UNC5C: variants seen among roughly 807,000 people sequenced by gnomAD.
UNC5C encodes the protein netrin receptor UNC5C.
Under a neutral mutation model 99.8 loss-of-function variants are expected in UNC5C, and 47 were observed. That is an observed-to-expected ratio of 0.47 (90% CI 0.37 to 0.60). The LOEUF is 0.60. UNC5C is among the 20% of genes least tolerant of loss of function. The probability of loss-of-function intolerance (pLI) is 0.00; values close to 1 mark genes in which losing one functional copy is unlikely to be tolerated. For synonymous variants in UNC5C, 487 were observed against 452.2 expected, an observed-to-expected ratio of 1.08 and a Z score of -0.98; for missense variants, 1,062 against 1,165.9, an observed-to-expected ratio of 0.91 and a Z score of 1.30.
At chr4:95,475,000 A>C (rs141021448) in intron 1 of UNC5C, among the ~76,000 whole-genome samples, 1 of 152,074 alleles carries the variant, frequency 6.6e-6, no homozygotes, top group African/African-American at 2.4e-5. Flanking sequence ...AAGCACGTTT[A>C]TATTGATCTT....
intron 1 of UNC5C, among the ~76,000 whole-genome samples, chr4:95,385,288 T>TA (rs751831473): frequency 5.9e-5 from 9 of 152,190 alleles, no homozygotes; most frequent in Non-Finnish European, 1.0e-4. Context: ...TCGTAACCTA[T>TA]AAAAATGGTA....
At chr4:95,185,962 C>T (rs1191486008) in intron 12 of UNC5C, among the ~76,000 whole-genome samples, 1 of 116,988 alleles carries the variant, frequency 8.5e-6, no homozygotes, top group Non-Finnish European at 1.9e-5. Flanking sequence ...ACATAATTTT[C>T]TTATACTATA....
chr4:95,203,281 T>C (rs1247218610), intron 11 of UNC5C, among the ~76,000 whole-genome samples: 1 of 152,140 alleles, frequency 6.6e-6, no homozygotes, highest in Non-Finnish European at 1.5e-5. Context: ...TAATATGCAA[T>C]TCTACTATGT....
intron 1 of UNC5C, among the ~76,000 whole-genome samples, chr4:95,505,808 T>G (rs947891439): frequency 2.0e-5 from 3 of 152,010 alleles, no homozygotes; most frequent in African/African-American, 7.2e-5. Flanking sequence ...GCAAACACCA[T>G]AGTTTCTGAA....
intron 4 of UNC5C, among the ~76,000 whole-genome samples, chr4:95,253,989 G>T (rs533443922): frequency 6.6e-6 from 1 of 152,222 alleles, no homozygotes; most frequent in South Asian, 2.1e-4. Flanking sequence ...TCTTTCTGAT[G>T]CCATTGTTTC....
At position 95,170,262 on chromosome 4, in the gene UNC5C, G is replaced by GC. The variant is rs1736038195; in HGVS notation, c.2521dup (p.Ala841GlyfsTer14). 1 of 1,614,038 alleles carries GC rather than the reference G, an allele frequency of 6.2e-7. No homozygotes were observed. Among genetic ancestry groups the GC allele is most frequent in the Non-Finnish European group, 8.5e-7 (1 of 1,180,036 alleles). ...CCGGATAGGGAGAGGGATGCTGAAA[G>GC]CACTGGGCCCCGTGACCGTGGTGAT... On this transcript the variant is annotated frameshift_variant, in exon 15 of 16. Transcript: ENST00000453304. LOFTEE classifies it high-confidence loss of function.
intron 1 of UNC5C, among the ~76,000 whole-genome samples, chr4:95,475,672 A>T (rs2149475960): frequency 6.6e-6 from 1 of 152,198 alleles, no homozygotes; most frequent in East Asian, 1.9e-4. Context: ...AACTCACAAA[A>T]AAGGGTTTTA....
intron 1 of UNC5C, among the ~76,000 whole-genome samples, chr4:95,507,927 C>T (rs1721969397): frequency 6.6e-6 from 1 of 151,970 alleles, no homozygotes; most frequent in South Asian, 2.1e-4. Flanking sequence ...TGAATTAAGT[C>T]AAATGTTTAG....
intron 1 of UNC5C, among the ~76,000 whole-genome samples, chr4:95,469,375 C>A (rs1236043738): frequency 6.6e-6 from 1 of 152,118 alleles, no homozygotes; most frequent in East Asian, 1.9e-4. Flanking sequence ...GATCTTTCAC[C>A]TTCCTTTTGG....
At chr4:95,292,611 T>A (rs1373522399) in intron 3 of UNC5C, among the ~76,000 whole-genome samples, 1 of 152,052 alleles carries the variant, frequency 6.6e-6, no homozygotes, top group African/African-American at 2.4e-5. Context: ...AACTAATAAA[T>A]AAGTAAATGT....
chr4:95,481,199 T>C (rs1252120032), intron 1 of UNC5C, among the ~76,000 whole-genome samples: 2 of 151,892 alleles, frequency 1.3e-5, no homozygotes, highest in African/African-American at 4.8e-5. Context: ...ATCACAAGCA[T>C]TCTTATACAC....
chr4:95,206,633 A>T lies in UNC5C; in HGVS notation c.1897T>A (p.Trp633Arg), dbSNP rs755349239. The part of the protein sequence containing the change: ...LLKNQAAQGQ[W>R]EDVVVVGEEN... ...TTATCCCGACAGCAGCTCACCTCCC[A>T]CTGTCCCTGTGCTGCCTGGTTCTTG... is the stretch of plus-strand genomic sequence containing the variant. The change falls in exon 11 of 16, where the codon TGG (tryptophan) becomes AGG (arginine). Residue 633 changes from tryptophan to arginine, a missense_variant. By Grantham distance (101) the Trp-to-Arg change is moderately radical. This residue lies in a region of UNC5C where 810 missense variants were observed against 854.5 expected (regional missense o/e 0.95). Coordinates refer to ENST00000453304, the MANE Select transcript of UNC5C (RefSeq NM_003728.4). 1 of 1,614,082 alleles carries T rather than the reference A, an allele frequency of 6.2e-7. No homozygotes were observed. The highest frequency in any genetic ancestry group is 8.5e-7 in the Non-Finnish European group (1 of 1,179,992).
chr4:95,497,689 C>A (rs1305754140), intron 1 of UNC5C, among the ~76,000 whole-genome samples: 1 of 151,780 alleles, frequency 6.6e-6, no homozygotes, highest in Non-Finnish European at 1.5e-5. Flanking sequence ...ACTACTTGAC[C>A]ATTTGATCCA....
chr4:95,463,647 G>C (rs1474378751), intron 1 of UNC5C, among the ~76,000 whole-genome samples: 1 of 152,110 alleles, frequency 6.6e-6, no homozygotes, highest in African/African-American at 2.4e-5. Context: ...CAAAATAGTA[G>C]GGTATTTTAA....
intron 1 of UNC5C, among the ~76,000 whole-genome samples, chr4:95,399,677 T>A (rs991386119): frequency 2.0e-5 from 3 of 152,224 alleles, no homozygotes; most frequent in African/African-American, 7.2e-5. Flanking sequence ...CTTGAATAAC[T>A]TCTAGGCATT....
At chr4:95,332,175 C>T (rs1161923612) in intron 2 of UNC5C, among the ~76,000 whole-genome samples, 1 of 152,096 alleles carries the variant, frequency 6.6e-6, no homozygotes, top group Non-Finnish European at 1.5e-5. Context: ...AGTGCCATCC[C>T]CATCAAGCTA....
intron 4 of UNC5C, among the ~76,000 whole-genome samples, chr4:95,269,914 C>T (rs1350102499): frequency 6.6e-6 from 1 of 151,896 alleles, no homozygotes. Context: ...GAGATTTCAC[C>T]ATGTTGGTCA....
chr4:95,269,306 TGA>T (rs1740569793), intron 4 of UNC5C, among the ~76,000 whole-genome samples: 1 of 152,184 alleles, frequency 6.6e-6, no homozygotes, highest in Non-Finnish European at 1.5e-5. Context: ...GTTTGTTTTC[TGA>T]GACAGGGTCT....
intron 1 of UNC5C, among the ~76,000 whole-genome samples, chr4:95,383,584 A>T (rs979270881): frequency 6.6e-6 from 1 of 152,206 alleles, no homozygotes; most frequent in Admixed American, 6.5e-5. Flanking sequence ...ACCTTTTGCT[A>T]ACTGCATGTA....
Sources: gnomAD v4.1 joint callset for allele counts (sites outside exome capture counted in the v4.1 genomes callset) on GRCh38, gnomAD v4.1.1 for gene constraint, gnomAD v4.1.1 regional missense constraint, MANE v1.5 for transcripts, NCBI Gene and HGNC (gene_info 2026-07-23, HGNC 2026-07-21) for gene names.